Variants in MCTP2 observed in about 807,000 individuals in gnomAD.
The protein encoded by MCTP2 is multiple C2 and transmembrane domain containing 2.
In MCTP2, 132 loss-of-function variants were observed where a neutral mutation model predicts 111.6. The ratio of observed to expected loss-of-function variants is 1.18; its 90% CI spans 1.03 to 1.37. The LOEUF is 1.37. MCTP2 is among the 40% of genes most tolerant of loss of function. The pLI, the probability that MCTP2 is intolerant of heterozygous loss-of-function variation, is 0.00. For missense variants in MCTP2, 1,183 were observed against 1,067.9 expected, an observed-to-expected ratio of 1.11 and a Z score of -1.50; for synonymous variants, 395 against 387.7, an observed-to-expected ratio of 1.02 and a Z score of -0.22.
chr15:94,315,753 C>G, intron 4 of MCTP2, 116 bp downstream of exon 4: 2 of 691,252 alleles, frequency 2.9e-6, no homozygotes, highest in South Asian at 3.7e-5. Flanking sequence ...TAGACAGTGG[C>G]TCAAATCTAA....
Position 94,356,201 on chromosome 15 carries a change from TTATAAG to T in MCTP2, c.1076_1081del (p.Ser359_Ile360del). 4 of 1,613,550 alleles carry T rather than the reference TTATAAG, an allele frequency of 2.5e-6. No homozygotes were observed. The highest frequency in any genetic ancestry group is 2.2e-5 in the South Asian group (2 of 91,000). On this transcript the variant is annotated inframe_deletion, in exon 9 of 23. Coordinates refer to ENST00000357742, the MANE Select transcript of MCTP2 (RefSeq NM_001385001.1). ...AAAAAGAACCAACTCTGGAACGGGA[TTATAAG>T]TATAACTTTGTTGGAAGGGAAGAAT...
chr15:94,380,867 G>GTTTGTTTTTACCTT (rs2080098159), intron 12 of MCTP2, among the ~76,000 whole-genome samples: 1 of 147,570 alleles, frequency 6.8e-6, no homozygotes. Flanking sequence ...AGGTAAAACT[G>GTTTGTTTTTACCTT]TTTAAGTGAA....
In MCTP2 at chr15:94,367,796, G is replaced by A; in HGVS notation, c.1488+5G>A. 1.3e-6 allele frequency: 2 copies of A among 1,594,498 alleles called. No individual in the cohort carries two copies. The highest frequency in any genetic ancestry group is 1.1e-5 in the South Asian group (1 of 87,994). ...AAGCAGATTACCCAGCGATATGTGA[G>A]TGTTTTTCCTTATTGTACACTCCCC... On this transcript the variant is annotated splice_donor_5th_base_variant and intron_variant, in intron 11 of 22. Transcript: ENST00000357742.
At chr15:94,282,768 T>G (rs1449748679) in intron 1 of MCTP2, among the ~76,000 whole-genome samples, 3 of 152,200 alleles carry the variant, frequency 2.0e-5, no homozygotes, top group Non-Finnish European at 4.4e-5. Flanking sequence ...GCAAATTAGG[T>G]TTAGCCAACT....
intron 17 of MCTP2, among the ~76,000 whole-genome samples, chr15:94,432,574 A>G (rs1164674990): frequency 3.3e-5 from 5 of 152,176 alleles, no homozygotes; most frequent in Non-Finnish European, 7.4e-5. Flanking sequence ...ATGATTTTGT[A>G]TGAACAACCA....
chr15:94,416,730 G>C (rs1448640559), intron 17 of MCTP2, among the ~76,000 whole-genome samples: 1 of 151,964 alleles, frequency 6.6e-6, no homozygotes, highest in Non-Finnish European at 1.5e-5. Flanking sequence ...AGAAAATATA[G>C]TGCAGAATTC....
chr15:94,443,996 A>AAAG (rs1555476110), intron 19 of MCTP2, among the ~76,000 whole-genome samples: 3 of 149,804 alleles, frequency 2.0e-5, no homozygotes, highest in South Asian at 2.1e-4. Context: ...AAAAAAAAAA[A>AAAG]AAAAAAAAAA....
At chr15:94,274,687 G>C (rs2074093611) in intron 1 of MCTP2, among the ~76,000 whole-genome samples, 1 of 152,058 alleles carries the variant, frequency 6.6e-6, no homozygotes, top group Non-Finnish European at 1.5e-5. Context: ...TAGAAATTAT[G>C]AATGAATTGA....
At position 94,356,161 on chromosome 15, in the gene MCTP2, C is replaced by T. The variant is rs770941130; in HGVS notation, c.1030C>T (p.Leu344Phe). 2 of 1,610,302 alleles carry T rather than the reference C, an allele frequency of 1.2e-6. No individual in the cohort carries two copies. Among genetic ancestry groups the T allele is most frequent in the Non-Finnish European group, 1.7e-6 (2 of 1,178,260 alleles). ...SKSSLIRNLRLSESLKKNQLW... is the reference protein window; with the variant it reads ...SKSSLIRNLRFSESLKKNQLW... The stretch of plus-strand genomic sequence containing the variant: ...GTCCTCTTTGATACGCAACCTACGG[C>T]TCTCTGAGTCCTTGAAAAAGAACCA... The change falls in exon 9 of 23, where the codon CTC (leucine) becomes TTC (phenylalanine). Residue 344 changes from leucine (L) to phenylalanine (F), a missense_variant. Coordinates refer to ENST00000357742, the MANE Select transcript of MCTP2 (RefSeq NM_001385001.1).
intron 4 of MCTP2, among the ~76,000 whole-genome samples, chr15:94,328,350 G>T (rs934785693): frequency 2.0e-5 from 3 of 151,960 alleles, no homozygotes; most frequent in East Asian, 3.9e-4. Context: ...GGATGGTCTT[G>T]ATCTCCTGAC....
chr15:94,349,399 G>A (rs2078174621), intron 8 of MCTP2, among the ~76,000 whole-genome samples: 1 of 152,142 alleles, frequency 6.6e-6, no homozygotes, highest in Non-Finnish European at 1.5e-5. Flanking sequence ...CCTGTCCTTG[G>A]ATACAGGGTG....
At chr15:94,450,286 C>T (rs2084361841) in intron 19 of MCTP2, among the ~76,000 whole-genome samples, 1 of 152,204 alleles carries the variant, frequency 6.6e-6, no homozygotes, top group Admixed American at 6.5e-5. Flanking sequence ...AGAAAGAGTA[C>T]AGATCTCCCC....
chr15:94,279,946 A>G (rs567518731), intron 1 of MCTP2, among the ~76,000 whole-genome samples: 1 of 152,268 alleles, frequency 6.6e-6, no homozygotes, highest in East Asian at 1.9e-4. Context: ...TGCATCCCAG[A>G]AATAGTACTA....
In MCTP2 at chr15:94,478,969, C is replaced by T. The variant is rs1372073490; in HGVS notation, c.2572C>T (p.Gln858Ter). 1.2e-6 allele frequency: 2 copies of T among 1,613,810 alleles called. No homozygotes were observed. The highest frequency in any genetic ancestry group is 2.7e-5 in the African/African-American group (2 of 74,930). Residue 858 changes from glutamine to a stop codon, truncating the protein, a stop_gained, in exon 23 of 23, where the codon CAG becomes TAG. Transcript: ENST00000357742. LOFTEE classifies it high-confidence loss of function. The stretch of plus-strand genomic sequence containing the variant: ...TCACGGCTATTTGTTTTCACAGGTG[C>T]AGTATGCAGAATTGAAACTCTGCAG... ...SRVPSDVQKV[Q>*]YAELKLCSSH...
At chr15:94,380,112 A>G (rs991486910) in intron 12 of MCTP2, among the ~76,000 whole-genome samples, 1 of 151,904 alleles carries the variant, frequency 6.6e-6, no homozygotes, top group Non-Finnish European at 1.5e-5. Context: ...TCTCGTCTGC[A>G]TTTCACTGCT....
intron 17 of MCTP2, among the ~76,000 whole-genome samples, chr15:94,417,985 A>C (rs191924054): frequency 4.6e-5 from 7 of 152,222 alleles, no homozygotes; most frequent in Admixed American, 4.6e-4. Context: ...GGAGTAACTT[A>C]ATACAGCGAA....
intron 1 of MCTP2, among the ~76,000 whole-genome samples, chr15:94,277,366 C>G (rs1596252184): frequency 6.6e-6 from 1 of 152,056 alleles, no homozygotes; most frequent in African/African-American, 2.4e-5. Context: ...ACACGAAATC[C>G]TGCACATGGA....
chr15:94,239,148 T>A (rs1231528593), intron 1 of MCTP2, among the ~76,000 whole-genome samples: 1 of 152,200 alleles, frequency 6.6e-6, no homozygotes, highest in Non-Finnish European at 1.5e-5. Flanking sequence ...TTTAGCATTA[T>A]GAAGCATGTT....
chr15:94,307,958 T>A (rs1278273941), intron 2 of MCTP2, among the ~76,000 whole-genome samples: 1 of 145,400 alleles, frequency 6.9e-6, no homozygotes, highest in Non-Finnish European at 1.5e-5. Context: ...CTATTACTAA[T>A]ATAATTCATA....
Sources: allele counts gnomAD v4.1 joint callset (sites outside exome capture counted in the v4.1 genomes callset), GRCh38; gene constraint gnomAD v4.1.1; transcripts MANE v1.5; gene names NCBI Gene and HGNC (gene_info 2026-07-23, HGNC 2026-07-21).